Variants in VEZT observed in about 807,000 individuals in gnomAD.
VEZT encodes the protein vezatin.
In VEZT, 39 loss-of-function variants were observed where a neutral mutation model predicts 79.9. That is an observed-to-expected ratio of 0.49 (90% CI 0.38 to 0.64). The LOEUF (loss-of-function observed/expected upper bound fraction) is 0.64. Ranked by LOEUF, VEZT falls within the 30% of genes least tolerant of loss-of-function variation. The pLI is 0.00. For synonymous variants in VEZT, 325 were observed against 327.6 expected (o/e 0.99, Z 0.09); for missense variants, 837 against 893.1 (o/e 0.94, Z 0.80).
chr12:95,264,785 A>G (rs1593656393), intron 4 of VEZT, among the ~76,000 whole-genome samples: 1 of 138,168 alleles, frequency 7.2e-6, no homozygotes, highest in East Asian at 2.1e-4. Flanking sequence ...TTGCAATATG[A>G]TTATTATAAC....
chr12:95,259,756 C>T (rs2064063874), intron 3 of VEZT, among the ~76,000 whole-genome samples: 1 of 152,180 alleles, frequency 6.6e-6, no homozygotes, highest in African/African-American at 2.4e-5. Context: ...TCTGGGCTTC[C>T]CAGTCCAAAT....
At chr12:95,218,756 C>A (rs561074347) in intron 1 of VEZT, 1 of 152,366 alleles carries the variant, frequency 6.6e-6, no homozygotes, top group South Asian at 2.1e-4. Flanking sequence ...GAAATATGTA[C>A]AAACTGTCAT....
intron 1 of VEZT, among the ~76,000 whole-genome samples, chr12:95,230,072 T>C (rs1294562069): frequency 1.5e-5 from 2 of 130,342 alleles, no homozygotes; most frequent in Non-Finnish European, 3.1e-5. Flanking sequence ...ACCACTGCAC[T>C]CCAGCCTGGG....
intron 3 of VEZT, chr12:95,258,328 G>C (rs1346416748): frequency 4.4e-6 from 2 of 455,090 alleles, no homozygotes; most frequent in East Asian, 1.4e-4. Flanking sequence ...TTTAGTCATA[G>C]TCTGCCTAGG....
At chr12:95,234,820 G>C (rs1034919450) in intron 1 of VEZT, among the ~76,000 whole-genome samples, 1 of 152,196 alleles carries the variant, frequency 6.6e-6, no homozygotes, top group Non-Finnish European at 1.5e-5. Flanking sequence ...CGCAGTGTTT[G>C]TGTCCCTGGG....
intron 8 of VEZT, among the ~76,000 whole-genome samples, chr12:95,284,868 G>T (rs2070206979): frequency 6.6e-6 from 1 of 151,940 alleles, no homozygotes; most frequent in African/African-American, 2.4e-5. Context: ...TGAGGATCAC[G>T]AGGTCAGGAG....
chr12:95,270,325 TG>T, intron 6 of VEZT, 137 bp downstream of exon 6: 1 of 900,016 alleles, frequency 1.1e-6, no homozygotes, highest in Non-Finnish European at 1.6e-6. Flanking sequence ...ATCAATTCTA[TG>T]TTAAAACTGG....
chr12:95,232,875 G>T (rs1409164281), intron 1 of VEZT, among the ~76,000 whole-genome samples: 1 of 152,004 alleles, frequency 6.6e-6, no homozygotes, highest in Non-Finnish European at 1.5e-5. Context: ...ACGCAATCTC[G>T]GCTCACTGCA....
Position 95,217,807 on chromosome 12 carries a change from CT to C in VEZT, c.-42del. On this transcript the variant is annotated 5_prime_UTR_variant, in exon 1 of 12. Coordinates refer to ENST00000436874, the MANE Select transcript of VEZT (RefSeq NM_017599.4). ...AGCTCCGTGCCGCCTGTACTCCCGC[CT>C]TCATTTCCCATCGTGCTGAGGCGGG... 1 of 1,551,672 alleles carries C rather than the reference CT, an allele frequency of 6.4e-7. No individual in the cohort carries two copies. Among genetic ancestry groups the C allele is most frequent in the Non-Finnish European group, 8.7e-7 (1 of 1,153,888 alleles).
At chr12:95,280,544 C>T (rs1242889615) in intron 7 of VEZT, among the ~76,000 whole-genome samples, 4 of 150,962 alleles carry the variant, frequency 2.6e-5, no homozygotes, top group African/African-American at 9.7e-5. Flanking sequence ...CACACACACA[C>T]ACACACACAC....
intron 1 of VEZT, among the ~76,000 whole-genome samples, chr12:95,224,550 G>A (rs909850579): frequency 1.3e-5 from 2 of 152,060 alleles, no homozygotes; most frequent in Admixed American, 1.3e-4. Context: ...CTGTGTTTGG[G>A]CTTTACCACC....
At chr12:95,260,175 G>A (rs1037267055) in intron 3 of VEZT, among the ~76,000 whole-genome samples, 11 of 142,600 alleles carry the variant, frequency 7.7e-5, no homozygotes, top group South Asian at 6.6e-4. Flanking sequence ...GCACCATCTC[G>A]GCTCACTGCA....
At chr12:95,277,600 T>C (rs2068053080) in intron 7 of VEZT, among the ~76,000 whole-genome samples, 1 of 152,238 alleles carries the variant, frequency 6.6e-6, no homozygotes, top group Admixed American at 6.5e-5. Context: ...AAGATTTTTT[T>C]CAAAGTACAA....
Position 95,300,561 on chromosome 12 carries a change from C to T in VEZT, c.2228C>T (p.Ala743Val), listed in dbSNP as rs1327014162. The T allele has an allele frequency of 1.2e-6, 2 of 1,613,884 alleles. No individual in the cohort carries two copies. The highest frequency in any genetic ancestry group is 3.3e-5 in the Admixed American group (2 of 60,010). The change falls in exon 12 of 12, where the codon GCA becomes GTA. Residue 743 changes from alanine (A) to valine (V), a missense_variant. Ala to Val is a moderately conservative substitution (Grantham distance 64, BLOSUM62 0). Coordinates refer to ENST00000436874, the MANE Select transcript of VEZT (RefSeq NM_017599.4). ...PDFTFTAGLA[A>V]EVAARSLSFT... ...TTTACCTTCACTGCTGGCCTTGCTG[C>T]AGAAGTGGCTGCTAGATCTCTCTCC...
intron 6 of VEZT, among the ~76,000 whole-genome samples, chr12:95,271,168 TTC>T (rs2066514126): frequency 1.3e-5 from 2 of 150,284 alleles, no homozygotes; most frequent in East Asian, 1.9e-4. Flanking sequence ...GAAACCATTT[TTC>T]TCTCTCTTTC....
intron 2 of VEZT, among the ~76,000 whole-genome samples, chr12:95,256,002 CAT>C (rs1373216683): frequency 6.6e-6 from 1 of 152,072 alleles, no homozygotes; most frequent in Admixed American, 6.6e-5. Flanking sequence ...ATCCCCATGA[CAT>C]GTGCTTTAAT....
chr12:95,269,263 G>A (rs2066147663), intron 5 of VEZT, among the ~76,000 whole-genome samples: 1 of 152,206 alleles, frequency 6.6e-6, no homozygotes, highest in Admixed American at 6.5e-5. Context: ...TACATTGTAT[G>A]TCATTGTTAC....
chr12:95,292,517 T>A (rs1218399134), intron 9 of VEZT, among the ~76,000 whole-genome samples: 1 of 152,046 alleles, frequency 6.6e-6, no homozygotes, highest in Non-Finnish European at 1.5e-5. Context: ...ATAGTACTAT[T>A]ATTTTCACCA....
intron 1 of VEZT, among the ~76,000 whole-genome samples, chr12:95,228,510 T>G (rs955388294): frequency 3.9e-5 from 6 of 152,106 alleles, no homozygotes; most frequent in Admixed American, 3.9e-4. Flanking sequence ...ATTATATCAT[T>G]TAATTTTTTT....
Sources: gnomAD v4.1 joint callset for allele counts (sites outside exome capture counted in the v4.1 genomes callset) on GRCh38, gnomAD v4.1.1 for gene constraint, MANE v1.5 for transcripts, NCBI Gene and HGNC (gene_info 2026-07-23, HGNC 2026-07-21) for gene names.